FZD3: variants seen among roughly 807,000 people sequenced by gnomAD.
FZD3 encodes the protein frizzled-3.
A neutral mutation model predicts 60.7 loss-of-function variants in FZD3; 30 were observed. The ratio of observed to expected loss-of-function variants is 0.49; its 90% CI spans 0.37 to 0.67. FZD3 has a LOEUF of 0.67. FZD3 is among the 30% of genes least tolerant of loss of function. FZD3 has a pLI of 0.00. For synonymous variants in FZD3, 246 were observed against 275.2 expected, an observed-to-expected ratio of 0.89 and a Z score of 1.05; for missense variants, 605 against 838.7, an observed-to-expected ratio of 0.72 and a Z score of 3.44.
At chr8:28,562,364 T>G (rs1805628501) in intron 7 of FZD3, among the ~76,000 whole-genome samples, 1 of 152,112 alleles carries the variant, frequency 6.6e-6, no homozygotes, top group Admixed American at 6.5e-5. Context: ...CCTCTTCCAG[T>G]CAGAGTCTTA....
At chr8:28,531,709 G>A (rs182724824) in intron 5 of FZD3, among the ~76,000 whole-genome samples, 25 of 152,120 alleles carry the variant, frequency 1.6e-4, no homozygotes, top group South Asian at 2.1e-4. Context: ...ATGTGTTTTC[G>A]TATGTTTATT....
chr8:28,520,343 T>C (rs1804545379), intron 3 of FZD3, among the ~76,000 whole-genome samples: 1 of 152,244 alleles, frequency 6.6e-6, no homozygotes, highest in African/African-American at 2.4e-5. Context: ...TGTGGATTTA[T>C]TCTTTGTAAA....
intron 1 of FZD3, among the ~76,000 whole-genome samples, chr8:28,497,860 T>C (rs897237900): frequency 1.3e-5 from 2 of 152,186 alleles, no homozygotes; most frequent in Non-Finnish European, 2.9e-5. Context: ...CCGAGTTCTT[T>C]GGGTCTGATT....
intron 7 of FZD3, among the ~76,000 whole-genome samples, chr8:28,559,582 C>T (rs540423524): frequency 2.0e-5 from 3 of 152,276 alleles, no homozygotes; most frequent in African/African-American, 4.8e-5. Flanking sequence ...GCCAGAATGA[C>T]AGTGGCACCC....
intron 2 of FZD3, among the ~76,000 whole-genome samples, chr8:28,500,837 T>A (rs1357775848): frequency 6.6e-6 from 1 of 152,148 alleles, no homozygotes; most frequent in Non-Finnish European, 1.5e-5. Context: ...CTCAGCTGAC[T>A]GCAACCTCTG....
rs557806794 is a variant in FZD3 at position 28,511,625 on chromosome 8, C to T, written c.189+8423C>T. On this transcript the variant is annotated intron_variant, in intron 3 of 7. Transcript: ENST00000240093. Reference sequence around the variant, plus strand: ...TCAACTCTGTAAATGCCATCTCTGCCTGGAAGGCTCTTGTAGTATCCCCTT... The same window carrying T: ...TCAACTCTGTAAATGCCATCTCTGCTTGGAAGGCTCTTGTAGTATCCCCTT... Among the ~76,000 whole-genome samples the T allele has an allele frequency of 2.5e-4, 38 of 152,330 alleles. No homozygotes were observed. The South Asian group carries it at 7.9e-3, about 32-fold the overall frequency.
At chr8:28,556,746 T>C (rs2130467030) in intron 7 of FZD3, among the ~76,000 whole-genome samples, 1 of 151,048 alleles carries the variant, frequency 6.6e-6, no homozygotes, top group Non-Finnish European at 1.5e-5. Context: ...CCCATAAAAC[T>C]TTATTTGCAA....
intron 5 of FZD3, among the ~76,000 whole-genome samples, chr8:28,549,749 TC>T (rs140912825): frequency 0.013 from 1,914 of 152,322 alleles, 46 homozygotes; most frequent in African/African-American, 0.044. Flanking sequence ...TCATCATCTA[TC>T]TGTATTTTAT....
chr8:28,550,965 T>G (rs1046130104), intron 5 of FZD3, among the ~76,000 whole-genome samples: 65 of 152,282 alleles, frequency 4.3e-4, no homozygotes, highest in Non-Finnish European at 1.0e-4. Context: ...TATTTTCACA[T>G]TACTCTTTTA....
At position 28,510,683 on chromosome 8, in the gene FZD3, G is replaced by T. The variant is rs116619152; in HGVS notation, c.189+7481G>T. Among the ~76,000 whole-genome samples the T allele has an allele frequency of 9.1e-3, 1,391 of 152,276 alleles. 8 individuals carry two copies. The highest frequency in any genetic ancestry group is 0.02 in the African/African-American group (832 of 41,552). On this transcript the variant is annotated intron_variant, in intron 3 of 7. Coordinates refer to ENST00000240093, the MANE Select transcript of FZD3 (RefSeq NM_017412.4). ...GACAGTAACAATATAATATCCATGT[G>T]CCATCATTAGAATAGAATTGGTTAT...
chr8:28,496,428 T>A (rs1803845037), intron 1 of FZD3, among the ~76,000 whole-genome samples: 2 of 152,210 alleles, frequency 1.3e-5, no homozygotes, highest in African/African-American at 4.8e-5. Flanking sequence ...GTTTTGTTTT[T>A]GTTTTTGTTC....
At chr8:28,551,493 G>A in intron 5 of FZD3, 110 bp from the exon 6 acceptor site, 1 of 809,662 alleles carries the variant, frequency 1.2e-6, no homozygotes, top group Non-Finnish European at 1.9e-6. Context: ...TCCAGCCTGG[G>A]TGACAAGAAC....
intron 3 of FZD3, among the ~76,000 whole-genome samples, chr8:28,518,223 T>C (rs2130340705): frequency 7.3e-6 from 1 of 136,618 alleles, no homozygotes; most frequent in Middle Eastern, 3.8e-3. Context: ...CATGCCTGGC[T>C]TTTTTTTTTT....
At chr8:28,539,420 G>T (rs1200307356) in intron 5 of FZD3, among the ~76,000 whole-genome samples, 1 of 152,138 alleles carries the variant, frequency 6.6e-6, no homozygotes, top group Non-Finnish European at 1.5e-5. Context: ...CTATTTTTCT[G>T]TCCCAGTGCT....
intron 5 of FZD3, among the ~76,000 whole-genome samples, chr8:28,545,016 C>T (rs1291858444): frequency 6.6e-6 from 1 of 152,158 alleles, no homozygotes; most frequent in African/African-American, 2.4e-5. Flanking sequence ...CAGTCCTCTT[C>T]CTGTGATAAC....
chr8:28,551,802 AT>A (rs758089443), intron 6 of FZD3, 51 bp downstream of exon 6: 9 of 1,465,834 alleles, frequency 6.1e-6, no homozygotes, highest in Non-Finnish European at 6.5e-6. Flanking sequence ...ATTTACGTAA[AT>A]TTTTTTGTGT....
chr8:28,544,084 G>A (rs987876294), intron 5 of FZD3, among the ~76,000 whole-genome samples: 5 of 151,412 alleles, frequency 3.3e-5, no homozygotes, highest in Non-Finnish European at 7.4e-5. Flanking sequence ...GATACTCTGC[G>A]GTAAAATAAA....
intron 5 of FZD3, among the ~76,000 whole-genome samples, chr8:28,534,743 GATATTA>G (rs1429384707): frequency 3.9e-5 from 6 of 152,108 alleles, no homozygotes; most frequent in Non-Finnish European, 8.8e-5. Flanking sequence ...CAGATATTAG[GATATTA>G]ATATTTGTTT....
rs1805732012 is a variant in FZD3, at chr8:28,567,876, C to T, written c.*4865C>T. 1 of 151,956 alleles carries T rather than the reference C, an allele frequency of 6.6e-6. No homozygotes were observed. The highest frequency in any genetic ancestry group is 2.4e-5 in the African/African-American group (1 of 41,380). The allele number at this position is 151,956 out of a possible 1,614,324, so 9.4% of individuals were successfully genotyped here. The stretch of plus-strand genomic sequence containing the variant: ...CCTTTTATATGAAATTGTATAAGTA[C>T]ATTAGCTTGACTTAAATTATAAAAA... On this transcript the variant is annotated 3_prime_UTR_variant, in exon 8 of 8. Transcript: ENST00000240093.
Sources: allele counts gnomAD v4.1 joint callset (sites outside exome capture counted in the v4.1 genomes callset), GRCh38; gene constraint gnomAD v4.1.1; transcripts MANE v1.5; gene names NCBI Gene and HGNC (gene_info 2026-07-23, HGNC 2026-07-21).